The following USP34 variants were observed in gnomAD, a reference collection of about 807,000 sequenced individuals.
USP34 encodes the protein ubiquitin specific peptidase 34, also known as ubiquitin carboxyl-terminal hydrolase 34.
In USP34, 70 loss-of-function variants were observed where a neutral mutation model predicts 460.3. The ratio of observed to expected loss-of-function variants is 0.15; its 90% CI spans 0.13 to 0.19. The LOEUF is 0.19. Ranked by LOEUF, USP34 falls within the 10% of genes least tolerant of loss-of-function variation. USP34 has a pLI of 1.00. For synonymous variants in USP34, 1,647 were observed against 1,405.3 expected (o/e 1.17, Z -3.85); for missense variants, 3,985 against 4,236.2 (o/e 0.94, Z 1.65).
At chr2:61,302,488 C>T (rs2103645559) in intron 27 of USP34, among the ~76,000 whole-genome samples, 1 of 152,192 alleles carries the variant, frequency 6.6e-6, no homozygotes, top group African/African-American at 2.4e-5. Flanking sequence ...ATGATTCTTT[C>T]CCTTTCTCAT....
At position 61,190,554 on chromosome 2, in the gene USP34, G is replaced by C. The variant is rs917631158; in HGVS notation, c.9693C>G (p.Asn3231Lys). 1.2e-6 allele frequency: 2 copies of C among 1,614,036 alleles called. No individual in the cohort carries two copies. Among genetic ancestry groups the C allele is most frequent in the Non-Finnish European group, 1.7e-6 (2 of 1,179,972 alleles). ...LMDERTFLNN[N>K]IVYTFMTHFL... ...AATGTGTCATGAACGTGTAGACAATGTTGTTGTTTAAAAAAGTTCTTTCAT... is the reference window on the plus strand; with the variant it reads ...AATGTGTCATGAACGTGTAGACAATCTTGTTGTTTAAAAAAGTTCTTTCAT... The change falls in exon 77 of 80, where the codon AAC (asparagine) becomes AAG (lysine). Residue 3231 changes from asparagine (N) to lysine (K), a missense_variant. By Grantham distance (94) the Asn-to-Lys change is moderately conservative. Around this residue, in one of 14 missense-constraint regions of USP34, gnomAD observed 506 missense variants for 439.0 expected, o/e 1.15. Coordinates refer to ENST00000398571, the MANE Select transcript of USP34 (RefSeq NM_014709.4).
At chr2:61,420,196 G>A (rs1048710161) in intron 2 of USP34, among the ~76,000 whole-genome samples, 3 of 152,054 alleles carry the variant, frequency 2.0e-5, no homozygotes, top group Admixed American at 2.0e-4. Flanking sequence ...ATTTTCATTG[G>A]TTTATTCAAG....
intron 1 of USP34, among the ~76,000 whole-genome samples, chr2:61,452,658 A>C (rs1695318325): frequency 6.6e-6 from 1 of 151,488 alleles, no homozygotes; most frequent in Non-Finnish European, 1.5e-5. Context: ...CCAAGACAGG[A>C]GGGTTACTTG....
At chr2:61,335,052 A>C (rs1281232256) in intron 18 of USP34, among the ~76,000 whole-genome samples, 1 of 152,228 alleles carries the variant, frequency 6.6e-6, no homozygotes, top group Admixed American at 6.5e-5. Flanking sequence ...AAAACATTTT[A>C]TTAAAACTGA....
chr2:61,315,429 G>C (rs373514920), intron 23 of USP34, among the ~76,000 whole-genome samples: 3 of 151,596 alleles, frequency 2.0e-5, no homozygotes, highest in African/African-American at 7.3e-5. Context: ...CTGGAGTGCA[G>C]TGGCGCAATC....
chr2:61,296,659 G>A, intron 30 of USP34, 141 bp downstream of exon 30: 1 of 714,130 alleles, frequency 1.4e-6, no homozygotes, highest in Middle Eastern at 2.6e-4. Context: ...TTAAAATGCA[G>A]TGGCACTTTT....
chr2:61,286,971 T>TA (rs1465947861), intron 34 of USP34, among the ~76,000 whole-genome samples: 1 of 152,186 alleles, frequency 6.6e-6, no homozygotes, highest in Non-Finnish European at 1.5e-5. Flanking sequence ...AGAGCATTAT[T>TA]ATAACCTGGA....
chr2:61,288,635 A>G, intron 34 of USP34, 42 bp downstream of exon 34: 1 of 1,588,670 alleles, frequency 6.3e-7, no homozygotes. Context: ...GTTTATAAAA[A>G]TAAATGGAAT....
At chr2:61,298,580 A>C (rs1412978663) in intron 29 of USP34, among the ~76,000 whole-genome samples, 3 of 140,524 alleles carry the variant, frequency 2.1e-5, no homozygotes, top group Non-Finnish European at 4.6e-5. Context: ...AAATCTGCTG[A>C]AACAATGAAA....
At chr2:61,317,609 A>G (rs375613979) in intron 23 of USP34, 45 bp downstream of exon 23, 2 of 1,502,286 alleles carry the variant, frequency 1.3e-6, no homozygotes, top group Non-Finnish European at 1.8e-6. Flanking sequence ...TGATAATCTA[A>G]TTTGAGGAAT....
At chr2:61,261,830 C>T (rs1688887289) in intron 43 of USP34, among the ~76,000 whole-genome samples, 1 of 151,790 alleles carries the variant, frequency 6.6e-6, no homozygotes, top group Admixed American at 6.6e-5. Flanking sequence ...TTTGGCTGGG[C>T]GCGGTGGCTT....
At position 61,323,259 on chromosome 2, in the gene USP34, C is replaced by G. The variant is rs555780893; in HGVS notation, c.3013+2116G>C. 3.3e-5 allele frequency among the ~76,000 whole-genome samples: 5 copies of G among 152,292 alleles called. No individual in the cohort carries two copies. The South Asian group carries it at 1.0e-3, about 32-fold the overall frequency. ...GGGCGCAGCGGCTCACGCCTGTAAT[C>G]CCACCACTTTGGGAGGCCGAGGCGG... On this transcript the variant is annotated intron_variant, in intron 21 of 79. Coordinates refer to ENST00000398571, the MANE Select transcript of USP34 (RefSeq NM_014709.4).
intron 3 of USP34, among the ~76,000 whole-genome samples, chr2:61,395,733 C>G (rs1287139709): frequency 1.5e-5 from 2 of 129,602 alleles, no homozygotes; most frequent in Non-Finnish European, 3.1e-5. Flanking sequence ...TTGCAGTGAG[C>G]GGAGATCGCG....
chr2:61,348,640 T>C (rs765554739), intron 14 of USP34, 116 bp downstream of exon 14: 7 of 1,446,708 alleles, frequency 4.8e-6, no homozygotes, highest in Admixed American at 2.7e-5. Flanking sequence ...GTCAAAAATA[T>C]TACGTAAAGG....
At chr2:61,468,495 A>T (rs763333191) in intron 1 of USP34, among the ~76,000 whole-genome samples, 1 of 152,204 alleles carries the variant, frequency 6.6e-6, no homozygotes, top group Non-Finnish European at 1.5e-5. Context: ...AAATTTTTTT[A>T]AAAAGGAAGC....
intron 7 of USP34, among the ~76,000 whole-genome samples, chr2:61,378,729 A>C (rs1193308246): frequency 6.6e-6 from 1 of 151,902 alleles, no homozygotes; most frequent in Non-Finnish European, 1.5e-5. Flanking sequence ...CAACACAGTA[A>C]ATCTCCATCT....
At chr2:61,230,210 T>G (rs1687851584) in intron 58 of USP34, among the ~76,000 whole-genome samples, 1 of 152,168 alleles carries the variant, frequency 6.6e-6, no homozygotes, top group Non-Finnish European at 1.5e-5. Context: ...CTGGCAAGAA[T>G]GTCAAACACT....
At position 61,314,960 on chromosome 2, in the gene USP34, G is replaced by C; in HGVS notation, c.3297C>G (p.Asp1099Glu). ...GCSNSELCGMDQFWGIALRAQ... is the reference protein window; with the variant it reads ...GCSNSELCGMEQFWGIALRAQ... ...CTCTTAAAGCAATGCCCCAAAATTGGTCCATACCACACAGCTAAGAAAGAA... is the reference window on the plus strand; with the variant it reads ...CTCTTAAAGCAATGCCCCAAAATTGCTCCATACCACACAGCTAAGAAAGAA... Residue 1099 changes from aspartate to glutamate, a missense_variant, in exon 24 of 80, where the codon GAC (aspartate) becomes GAG (glutamate). Around this residue, in one of 14 missense-constraint regions of USP34, gnomAD observed 1,114 missense variants for 1,122.5 expected, o/e 0.99. Coordinates refer to ENST00000398571, the MANE Select transcript of USP34 (RefSeq NM_014709.4). 6.2e-7 allele frequency: 1 copy of C among 1,613,288 alleles called. No individual in the cohort carries two copies. The highest frequency in any genetic ancestry group is 8.5e-7 in the Non-Finnish European group (1 of 1,179,734).
At chr2:61,203,036 T>TA (rs1424710038) in intron 75 of USP34, 104 bp downstream of exon 75, 12 of 1,276,622 alleles carry the variant, frequency 9.4e-6, no homozygotes, top group Admixed American at 2.7e-5. Context: ...GCATTCACTT[T>TA]AAAAAAAGAA....
Sources: gnomAD v4.1 joint callset for allele counts (sites outside exome capture counted in the v4.1 genomes callset) on GRCh38, gnomAD v4.1.1 for gene constraint, gnomAD v4.1.1 regional missense constraint, MANE v1.5 for transcripts, NCBI Gene and HGNC (gene_info 2026-07-23, HGNC 2026-07-21) for gene names.